Variants in GMDS observed in about 807,000 individuals in gnomAD.
GMDS encodes the protein GDP-mannose 4,6 dehydratase.
GMDS carries 20 observed loss-of-function variants against 49.9 expected under a neutral mutation model. The observed-to-expected ratio is 0.40, with a 90% CI of 0.28 to 0.58. GMDS has a LOEUF of 0.58. Among genes scored for constraint, GMDS ranks in the 20% least tolerant of loss-of-function variants. The pLI, the probability that GMDS is intolerant of heterozygous loss-of-function variation, is 0.42. For missense variants in GMDS, 362 were observed against 481.4 expected (o/e 0.75, Z 2.32); for synonymous variants, 177 against 178.6 (o/e 0.99, Z 0.07).
Position 2,245,523 on chromosome 6 carries a change from C to A in GMDS, c.-101G>T. On this transcript the variant is annotated 5_prime_UTR_variant, in exon 1 of 11. Transcript: ENST00000380815. Reference sequence around the variant, plus strand: ...GGGTGTGCAGCACGAAGCGCCTCTCCAGGCTGCGGGCAGGGAGGGAGAGCG... The same window carrying A: ...GGGTGTGCAGCACGAAGCGCCTCTCAAGGCTGCGGGCAGGGAGGGAGAGCG... 1.7e-6 allele frequency: 1 copy of A among 577,970 alleles called. No homozygotes were observed. The highest frequency in any genetic ancestry group is 2.7e-6 in the Non-Finnish European group (1 of 376,358). The allele number at this position is 577,970 out of a possible 1,614,324, so 35.8% of individuals were successfully genotyped here.
chr6:1,793,968 T>TAA (rs1769642737), intron 7 of GMDS, among the ~76,000 whole-genome samples: 1 of 152,204 alleles, frequency 6.6e-6, no homozygotes, highest in Non-Finnish European at 1.5e-5. Flanking sequence ...GGAAAGGGCT[T>TAA]TACACACTTA....
intron 7 of GMDS, among the ~76,000 whole-genome samples, chr6:1,747,459 T>C (rs550553647): frequency 4.5e-5 from 1 of 22,036 alleles, no homozygotes; most frequent in Admixed American, 3.1e-4. Context: ...ACCTTAAAAC[T>C]ACACACACAC....
intron 1 of GMDS, among the ~76,000 whole-genome samples, chr6:2,172,342 T>C (rs1234736089): frequency 3.3e-5 from 5 of 152,112 alleles, no homozygotes; most frequent in Non-Finnish European, 7.3e-5. Context: ...GGAACAATAA[T>C]TAAGACACAA....
intron 9 of GMDS, among the ~76,000 whole-genome samples, chr6:1,648,991 G>C (rs1466834942): frequency 1.3e-5 from 2 of 152,180 alleles, no homozygotes; most frequent in South Asian, 2.1e-4. Context: ...TTACGTTTAA[G>C]GCAGTCATTC....
intron 1 of GMDS, among the ~76,000 whole-genome samples, chr6:2,214,059 C>T (rs554169124): frequency 6.6e-6 from 1 of 152,288 alleles, no homozygotes; most frequent in East Asian, 1.9e-4. Flanking sequence ...CAAAGACTAT[C>T]AAGCCTGTAT....
intron 7 of GMDS, among the ~76,000 whole-genome samples, chr6:1,804,367 G>A (rs571944703): frequency 1.1e-4 from 17 of 152,374 alleles, no homozygotes; most frequent in South Asian, 4.1e-4. Flanking sequence ...GCTGGCCAGC[G>A]GGCAGATGCC....
chr6:2,042,999 T>C (rs1769775382), intron 4 of GMDS, among the ~76,000 whole-genome samples: 2 of 152,164 alleles, frequency 1.3e-5, no homozygotes, highest in African/African-American at 4.8e-5. Context: ...AAAGTACTAA[T>C]AAAGACAGCA....
intron 4 of GMDS, among the ~76,000 whole-genome samples, chr6:1,965,590 A>C (rs1220271337): frequency 6.6e-6 from 1 of 152,242 alleles, no homozygotes; most frequent in Non-Finnish European, 1.5e-5. Flanking sequence ...TGGGAGGCTG[A>C]GGCCAGAGGA....
chr6:1,861,633 G>GAA (rs1020346445), intron 7 of GMDS, among the ~76,000 whole-genome samples: 1 of 146,900 alleles, frequency 6.8e-6, no homozygotes, highest in African/African-American at 2.5e-5. Context: ...AAAAAAAAAA[G>GAA]AAAAAAAAAT....
intron 9 of GMDS, chr6:1,679,622 T>C (rs1315650069): frequency 1.3e-5 from 2 of 152,252 alleles, no homozygotes; most frequent in East Asian, 3.8e-4. Context: ...CTCATCTCTC[T>C]GTGGATGCTC....
At chr6:1,814,863 T>C (rs2113688945) in intron 7 of GMDS, among the ~76,000 whole-genome samples, 1 of 152,328 alleles carries the variant, frequency 6.6e-6, no homozygotes. Context: ...TAACATTTCC[T>C]GATATTTCAG....
chr6:2,160,973 A>C (rs1189248295), intron 1 of GMDS, among the ~76,000 whole-genome samples: 1 of 152,204 alleles, frequency 6.6e-6, no homozygotes. Context: ...AAGCTCTTTG[A>C]AAGAATTATT....
At chr6:1,941,319 G>GT (rs1354027593) in intron 6 of GMDS, among the ~76,000 whole-genome samples, 1 of 152,076 alleles carries the variant, frequency 6.6e-6, no homozygotes, top group African/African-American at 2.4e-5. Context: ...AGAAAGGAAT[G>GT]TTAGCAACAA....
intron 1 of GMDS, among the ~76,000 whole-genome samples, chr6:2,170,112 A>T (rs1777899251): frequency 6.6e-6 from 1 of 152,066 alleles, no homozygotes; most frequent in Non-Finnish European, 1.5e-5. Context: ...CTGAGGCAGG[A>T]GAATCGCTTG....
chr6:1,777,814 G>A lies in GMDS; in HGVS notation c.772-35228C>T, dbSNP rs112790921. ...AAAATGCAAACTGTTCTCAGCAGAC[G>A]GCTCACCATGAATAACGAACCAGGG... On this transcript the variant is annotated intron_variant, in intron 7 of 10. Coordinates refer to ENST00000380815, the MANE Select transcript of GMDS (RefSeq NM_001500.4). 5.6e-3 allele frequency among the ~76,000 whole-genome samples: 846 copies of A among 152,246 alleles called. 5 individuals are homozygous for A. The highest frequency in any genetic ancestry group is 0.019 in the African/African-American group (770 of 41,536).
At chr6:1,681,239 C>T (rs913824279) in intron 9 of GMDS, among the ~76,000 whole-genome samples, 2 of 151,950 alleles carry the variant, frequency 1.3e-5, no homozygotes, top group African/African-American at 2.4e-5. Context: ...CCTGCCTCCT[C>T]ACAGTGTCCT....
At chr6:1,755,779 T>G (rs1007765767) in intron 7 of GMDS, among the ~76,000 whole-genome samples, 2 of 152,162 alleles carry the variant, frequency 1.3e-5, no homozygotes, top group Non-Finnish European at 2.9e-5. Flanking sequence ...GATTAAAGAC[T>G]TAAGTAAGTC....
intron 9 of GMDS, chr6:1,624,827 CTTTTTTT>C (rs551321002): frequency 8.9e-4 from 74 of 83,304 alleles, no homozygotes; most frequent in Middle Eastern, 7.7e-3. Context: ...GCTCTTAATG[CTTTTTTT>C]TTTTTTTTTT....
chr6:1,714,713 C>T (rs1766110181), intron 9 of GMDS, among the ~76,000 whole-genome samples: 2 of 152,224 alleles, frequency 1.3e-5, no homozygotes, highest in Admixed American at 6.5e-5. Flanking sequence ...GGCTCAGAGC[C>T]GGCAATGCCT....
Sources: gnomAD v4.1 joint callset for allele counts (sites outside exome capture counted in the v4.1 genomes callset) on GRCh38, gnomAD v4.1.1 for gene constraint, MANE v1.5 for transcripts, NCBI Gene and HGNC (gene_info 2026-07-23, HGNC 2026-07-21) for gene names.